CAST: variants seen among roughly 807,000 people sequenced by gnomAD.
CAST encodes MIR583 host.
A neutral mutation model predicts 119.6 loss-of-function variants in CAST; 76 were observed. The observed-to-expected ratio is 0.64, with a 90% CI of 0.53 to 0.77. The LOEUF (loss-of-function observed/expected upper bound fraction) is 0.77. CAST is among the 30% of genes least tolerant of loss of function. The probability of loss-of-function intolerance (pLI) is 0.00; values close to 1 mark genes in which losing one functional copy is unlikely to be tolerated. For synonymous variants in CAST, 319 were observed against 331.6 expected, an observed-to-expected ratio of 0.96 and a Z score of 0.41; for missense variants, 953 against 946.5, an observed-to-expected ratio of 1.01 and a Z score of -0.09.
the CAST span, among the ~76,000 whole-genome samples, chr5:96,141,975 T>C: frequency 1.9e-3 from 282 of 152,384 alleles, 1 homozygote; most frequent in African/African-American, 6.5e-3. Flanking sequence ...GTTAAATGTT[T>C]GTTATCTTCT....
chr5:96,662,897 G>A lies in CAST; in HGVS notation c.75+400G>A, dbSNP rs1748756275. ...CCGGGCCGCAGGGCGTGGCTGCCTGGAGACGCAGAGCCTCTTCCCTAACCA... is the reference window on the plus strand; with the variant it reads ...CCGGGCCGCAGGGCGTGGCTGCCTGAAGACGCAGAGCCTCTTCCCTAACCA... On this transcript the variant is annotated intron_variant, in intron 1 of 31. Transcript: ENST00000675179. 5 of 573,036 alleles carry A rather than the reference G, an allele frequency of 8.7e-6. No individual in the cohort carries two copies. The South Asian group carries it at 1.1e-4, about 12-fold the overall frequency. The allele number at this position is 573,036 out of a possible 1,614,324, so 35.5% of individuals were successfully genotyped here. A position where few individuals can be genotyped will look rare whatever the true frequency, so the allele number is the denominator to read the frequency against.
chr5:96,578,242 T>A (rs1462183563), intron 1 of CAST, among the ~76,000 whole-genome samples: 5 of 152,050 alleles, frequency 3.3e-5, no homozygotes. Context: ...ATATAGCCAA[T>A]TCTGCCTTCT....
the CAST span, among the ~76,000 whole-genome samples, chr5:96,422,862 C>T: frequency 6.7e-6 from 1 of 150,152 alleles, no homozygotes; most frequent in Non-Finnish European, 1.5e-5. Context: ...GGCATAGGTG[C>T]ATTGTGTGGT....
At chr5:96,292,109 C>T in the CAST span, among the ~76,000 whole-genome samples, 6 of 152,048 alleles carry the variant, frequency 3.9e-5, no homozygotes, top group African/African-American at 1.5e-4. Context: ...AGAAAAAAGA[C>T]GCATATGTTA....
the CAST span, among the ~76,000 whole-genome samples, chr5:96,355,702 C>T: frequency 3.3e-5 from 5 of 151,878 alleles, no homozygotes; most frequent in East Asian, 3.9e-4. Context: ...TGTTTCCTGA[C>T]GTCTTTTATT....
chr5:96,636,320 T>C (rs2150202587), intron 1 of CAST, among the ~76,000 whole-genome samples: 1 of 152,324 alleles, frequency 6.6e-6, no homozygotes, highest in South Asian at 2.1e-4. Context: ...AGGGATGGAC[T>C]CATTACTAGT....
the CAST span, among the ~76,000 whole-genome samples, chr5:96,133,412 A>G: frequency 6.6e-6 from 1 of 152,282 alleles, no homozygotes; most frequent in African/African-American, 2.4e-5. Flanking sequence ...GGAGTGCTGG[A>G]ACAAAAGTGA....
chr5:96,672,210 C>T lies in CAST; in HGVS notation c.76-3329C>T, dbSNP rs539982685. On this transcript the variant is annotated intron_variant, in intron 1 of 31. Transcript: ENST00000675179. ...ACAGGTATATAAAGACATGTAGTGC[C>T]CTCTTGTTCTCTCTCTCTGTCTCTC... Among the ~76,000 whole-genome samples the T allele has an allele frequency of 3.6e-4, 55 of 151,742 alleles. 1 individual carries two copies. Among genetic ancestry groups the T allele is most frequent in the Middle Eastern group, 3.4e-3 (1 of 294 alleles).
chr5:96,049,403 A>G, the CAST span, among the ~76,000 whole-genome samples: 1 of 152,194 alleles, frequency 6.6e-6, no homozygotes, highest in South Asian at 2.1e-4. Flanking sequence ...TCAAGTAAAT[A>G]TAGTTCTTAT....
the CAST span, among the ~76,000 whole-genome samples, chr5:96,329,214 A>G: frequency 2.6e-5 from 4 of 152,234 alleles, no homozygotes; most frequent in Non-Finnish European, 5.9e-5. Context: ...AATTAGCCTC[A>G]CTTTTGCACC....
At chr5:96,012,828 A>AT in the CAST span, among the ~76,000 whole-genome samples, 1 of 152,078 alleles carries the variant, frequency 6.6e-6, no homozygotes, top group Admixed American at 6.5e-5. Flanking sequence ...CAGTTGTGCC[A>AT]TTTTTTTAGC....
At chr5:96,272,935 A>C in the CAST span, among the ~76,000 whole-genome samples, 1 of 152,238 alleles carries the variant, frequency 6.6e-6, no homozygotes, top group African/African-American at 2.4e-5. Flanking sequence ...GGAGGATTTC[A>C]TGAAAATCAA....
chr5:96,033,030 G>A, the CAST span, among the ~76,000 whole-genome samples: 8 of 151,958 alleles, frequency 5.3e-5, no homozygotes, highest in African/African-American at 1.9e-4. Flanking sequence ...TACTCTAACA[G>A]CAAACTATCT....
At chr5:96,460,232 T>C in the CAST span, among the ~76,000 whole-genome samples, 3 of 152,058 alleles carry the variant, frequency 2.0e-5, no homozygotes, top group Non-Finnish European at 4.4e-5. Context: ...AAAAAGACTA[T>C]TATGAGAGTC....
intron 1 of CAST, among the ~76,000 whole-genome samples, chr5:96,567,915 C>T (rs1746502641): frequency 6.6e-6 from 1 of 152,096 alleles, no homozygotes; most frequent in African/African-American, 2.4e-5. Flanking sequence ...TTTTAATCTG[C>T]TTTGTCAGAG....
the CAST span, among the ~76,000 whole-genome samples, chr5:96,464,729 T>C: frequency 4.9e-3 from 740 of 152,206 alleles, 8 homozygotes; most frequent in African/African-American, 0.017. Flanking sequence ...TCCAAAAAAG[T>C]GCATAAGCAT....
the CAST span, among the ~76,000 whole-genome samples, chr5:96,516,004 C>A: frequency 3.0e-5 from 1 of 33,496 alleles, no homozygotes; most frequent in African/African-American, 1.0e-4. Flanking sequence ...ACACCACTCA[C>A]CTTATAGCCC....
chr5:96,623,087 A>T (rs1747652458), intron 1 of CAST, among the ~76,000 whole-genome samples: 1 of 151,778 alleles, frequency 6.6e-6, no homozygotes, highest in Non-Finnish European at 1.5e-5. Flanking sequence ...GCTGGTCTCG[A>T]ACTCCTGACC....
intron 9 of CAST, among the ~76,000 whole-genome samples, chr5:96,732,515 C>T (rs1306825914): frequency 2.9e-5 from 4 of 135,848 alleles, no homozygotes; most frequent in African/African-American, 1.1e-4. Flanking sequence ...TAATTAGATC[C>T]CATTTGTCAA....
Sources: gnomAD v4.1 joint callset for allele counts (sites outside exome capture counted in the v4.1 genomes callset) on GRCh38, gnomAD v4.1.1 for gene constraint, MANE v1.5 for transcripts, NCBI Gene and HGNC (gene_info 2026-07-23, HGNC 2026-07-21) for gene names.